The following SRPK2 variants were observed in gnomAD, a reference collection of about 807,000 sequenced individuals.
SRPK2 encodes SFRS protein kinase 2.
In SRPK2, 21 loss-of-function variants were observed where a neutral mutation model predicts 90.8. The ratio of observed to expected loss-of-function variants is 0.23; its 90% CI spans 0.16 to 0.33. The LOEUF (loss-of-function observed/expected upper bound fraction) is 0.33, where lower values mean the gene tolerates loss of function less well. Ranked by LOEUF, SRPK2 falls within the 10% of genes least tolerant of loss-of-function variation. SRPK2 has a pLI of 1.00. For missense variants in SRPK2, 620 were observed against 869.0 expected (o/e 0.71, Z 3.60); for synonymous variants, 288 against 311.1 (o/e 0.93, Z 0.78).
intron 8 of SRPK2, 63 bp downstream of exon 8, chr7:105,146,430 A>C (rs1804637600): frequency 1.3e-5 from 21 of 1,556,690 alleles, no homozygotes; most frequent in Non-Finnish European, 1.8e-5. Flanking sequence ...TACCTTCAAC[A>C]ACTGCAACTT....
At chr7:105,295,849 G>T (rs1302992155) in intron 2 of SRPK2, among the ~76,000 whole-genome samples, 1 of 152,146 alleles carries the variant, frequency 6.6e-6, no homozygotes, top group Non-Finnish European at 1.5e-5. Flanking sequence ...GACACACAGG[G>T]TTCAGGTTCC....
At chr7:105,373,693 G>A (rs546014660) in intron 2 of SRPK2, among the ~76,000 whole-genome samples, 82 of 151,972 alleles carry the variant, frequency 5.4e-4, no homozygotes, top group Non-Finnish European at 1.0e-3. Context: ...GTGGGCCACC[G>A]CGCCTGGCTC....
chr7:105,279,211 GGGGAGGA>G (rs1185794240), intron 2 of SRPK2, among the ~76,000 whole-genome samples: 1 of 152,136 alleles, frequency 6.6e-6, no homozygotes, highest in Admixed American at 6.6e-5. Context: ...CGGGCGGCGG[GGGGAGGA>G]GGGAGCGGTG....
intron 2 of SRPK2, among the ~76,000 whole-genome samples, chr7:105,278,799 G>GGA (rs1304878804): frequency 6.6e-6 from 1 of 151,916 alleles, no homozygotes; most frequent in Non-Finnish European, 1.5e-5. Flanking sequence ...GCGAAGGAAA[G>GGA]GAGAGAGAGA....
intron 2 of SRPK2, among the ~76,000 whole-genome samples, chr7:105,227,275 T>C (rs923685842): frequency 1.4e-4 from 21 of 152,244 alleles, no homozygotes; most frequent in African/African-American, 5.1e-4. Flanking sequence ...GAGATCCTAA[T>C]GCATCCATCA....
intron 2 of SRPK2, among the ~76,000 whole-genome samples, chr7:105,228,649 G>A (rs996369363): frequency 6.6e-6 from 1 of 152,160 alleles, no homozygotes; most frequent in African/African-American, 2.4e-5. Context: ...TCAGGCCTCG[G>A]GGTCACGGGC....
At position 105,243,650 on chromosome 7, in the gene SRPK2, AC is replaced by A. The variant is rs1554476047; in HGVS notation, c.72-39866del. 6.0e-3 allele frequency among the ~76,000 whole-genome samples: 622 copies of A among 104,142 alleles called. 8 individuals are homozygous for A. The East Asian group carries it at 0.12, about 20-fold the overall frequency. 68.3% of individuals were successfully genotyped at this position (104,142 alleles called of 152,430 possible). A position where few individuals can be genotyped will look rare whatever the true frequency, so the allele number is the denominator to read the frequency against. On this transcript the variant is annotated intron_variant, in intron 2 of 15. Coordinates refer to ENST00000393651, the MANE Select transcript of SRPK2 (RefSeq NM_182692.3). ...CATCTCAAAAAAAAAAAAAAAAAAAACCACATGCCAAGCAATCTCAAATAAC... is the reference window on the plus strand; with the variant it reads ...CATCTCAAAAAAAAAAAAAAAAAAAACACATGCCAAGCAATCTCAAATAAC...
At chr7:105,239,514 C>T (rs1298618116) in intron 2 of SRPK2, among the ~76,000 whole-genome samples, 2 of 152,214 alleles carry the variant, frequency 1.3e-5, no homozygotes, top group African/African-American at 2.4e-5. Flanking sequence ...TTTGTTTTCT[C>T]CTCCTGTAAG....
chr7:105,302,114 C>T, intron 2 of SRPK2: 7 of 1,519,530 alleles, frequency 4.6e-6, no homozygotes, highest in Non-Finnish European at 6.4e-6. Context: ...AAGGAAAGAG[C>T]ATTCTTTAAA....
chr7:105,250,357 A>G (rs1371132290), intron 2 of SRPK2, among the ~76,000 whole-genome samples: 5 of 151,102 alleles, frequency 3.3e-5, no homozygotes, highest in Non-Finnish European at 7.3e-5. Flanking sequence ...CAAACAAACA[A>G]ACAAACAAAC....
At chr7:105,174,164 T>C (rs1791532028) in intron 3 of SRPK2, among the ~76,000 whole-genome samples, 1 of 151,886 alleles carries the variant, frequency 6.6e-6, no homozygotes, top group Non-Finnish European at 1.5e-5. Flanking sequence ...AATTCATTGC[T>C]CTGGTTTCTT....
At chr7:105,241,961 GC>G (rs1800871639) in intron 2 of SRPK2, among the ~76,000 whole-genome samples, 1 of 151,924 alleles carries the variant, frequency 6.6e-6, no homozygotes, top group South Asian at 2.1e-4. Context: ...TTTACAGTCT[GC>G]CATATTCTAC....
At chr7:105,168,875 T>C (rs1280682465) in intron 4 of SRPK2, among the ~76,000 whole-genome samples, 1 of 151,924 alleles carries the variant, frequency 6.6e-6, no homozygotes, top group African/African-American at 2.4e-5. Context: ...ATTATGTTTG[T>C]CTGATATGGA....
At chr7:105,209,994 G>T (rs1447160392) in intron 2 of SRPK2, among the ~76,000 whole-genome samples, 1 of 151,984 alleles carries the variant, frequency 6.6e-6, no homozygotes, top group Non-Finnish European at 1.5e-5. Context: ...ACTATATTCT[G>T]CATGTACACT....
At chr7:105,334,592 C>A (rs1217356112) in intron 2 of SRPK2, among the ~76,000 whole-genome samples, 1 of 151,996 alleles carries the variant, frequency 6.6e-6, no homozygotes. Flanking sequence ...AATCCCAGTA[C>A]TTTGGGAAGC....
At chr7:105,396,889 G>A (rs906807038) in intron 1 of SRPK2, among the ~76,000 whole-genome samples, 2 of 150,516 alleles carry the variant, frequency 1.3e-5, no homozygotes, top group Non-Finnish European at 3.0e-5. Context: ...AGGAAAGGAA[G>A]GAAGAGAATT....
At chr7:105,208,548 G>A (rs1029986509) in intron 2 of SRPK2, among the ~76,000 whole-genome samples, 3 of 152,166 alleles carry the variant, frequency 2.0e-5, no homozygotes, top group Non-Finnish European at 4.4e-5. Context: ...ACCGCAGGTT[G>A]TATGATCTTC....
At chr7:105,387,708 G>A (rs1821779547) in intron 2 of SRPK2, among the ~76,000 whole-genome samples, 2 of 152,144 alleles carry the variant, frequency 1.3e-5, no homozygotes, top group South Asian at 4.1e-4. Context: ...GCCACACAGA[G>A]TATTCTTGCT....
Position 105,362,938 on chromosome 7 carries a change from T to A in SRPK2, c.71+25710A>T, listed in dbSNP as rs143471493. Among the ~76,000 whole-genome samples, 734 of 152,154 alleles carry A rather than the reference T, an allele frequency of 4.8e-3. 11 individuals carry two copies. In the East Asian group the frequency reaches 0.055, roughly 11 times the overall value. ...CCATCATTCTAAGCAAACTATCGCATGGACAGAAAACCAAACACTGCATGT... is the reference window on the plus strand; with the variant it reads ...CCATCATTCTAAGCAAACTATCGCAAGGACAGAAAACCAAACACTGCATGT... On this transcript the variant is annotated intron_variant, in intron 2 of 15. Transcript: ENST00000393651.
Sources: gnomAD v4.1 joint callset for allele counts (sites outside exome capture counted in the v4.1 genomes callset) on GRCh38, gnomAD v4.1.1 for gene constraint, MANE v1.5 for transcripts, NCBI Gene and HGNC (gene_info 2026-07-23, HGNC 2026-07-21) for gene names.